The following GRM5 variants were observed in gnomAD, a reference collection of about 807,000 sequenced individuals.
The protein encoded by GRM5 is glutamate metabotropic receptor 5.
GRM5 carries 19 observed loss-of-function variants against 83.1 expected under a neutral mutation model. The observed-to-expected ratio is 0.23, with a 90% CI of 0.16 to 0.34. The LOEUF is 0.34. Ranked by LOEUF, GRM5 falls within the 10% of genes least tolerant of loss-of-function variation. The probability of loss-of-function intolerance (pLI) is 1.00; values close to 1 mark genes in which losing one functional copy is unlikely to be tolerated. For synonymous variants in GRM5, 675 were observed against 633.6 expected (o/e 1.07, Z -0.98); for missense variants, 1,160 against 1,588.3 (o/e 0.73, Z 4.58).
intron 2 of GRM5, among the ~76,000 whole-genome samples, chr11:88,862,883 A>G (rs2135552666): frequency 6.6e-6 from 1 of 152,348 alleles, no homozygotes; most frequent in Admixed American, 6.5e-5. Flanking sequence ...ATGGTCTAAT[A>G]TCCAGAGTCT....
chr11:88,894,415 G>A (rs1945197602), intron 2 of GRM5, among the ~76,000 whole-genome samples: 1 of 151,900 alleles, frequency 6.6e-6, no homozygotes, highest in Non-Finnish European at 1.5e-5. Context: ...GTTTGTCCGT[G>A]TCCTAAATTT....
intron 3 of GRM5, among the ~76,000 whole-genome samples, chr11:88,708,171 A>G (rs1030871421): frequency 1.3e-5 from 2 of 152,114 alleles, no homozygotes; most frequent in African/African-American, 4.8e-5. Flanking sequence ...ACAAGAAAAG[A>G]GTGATTAAGC....
chr11:89,055,061 G>C (rs1249766039), intron 1 of GRM5, among the ~76,000 whole-genome samples: 1 of 152,156 alleles, frequency 6.6e-6, no homozygotes, highest in African/African-American at 2.4e-5. Context: ...CTCCTTGGGA[G>C]CCTATTAGTC....
intron 2 of GRM5, among the ~76,000 whole-genome samples, chr11:88,988,568 C>T (rs1194948530): frequency 6.6e-6 from 1 of 151,290 alleles, no homozygotes; most frequent in Non-Finnish European, 1.5e-5. Context: ...TCAGATTCAC[C>T]AAAGTTGAAA....
intron 8 of GRM5, 58 bp from the exon 9 acceptor site, chr11:88,525,462 G>A (rs895198260): frequency 1.9e-6 from 2 of 1,059,636 alleles, no homozygotes; most frequent in East Asian, 4.8e-5. Flanking sequence ...GTGCTTAACT[G>A]CCAGGCTGAG....
chr11:88,729,562 A>T (rs1006022893), intron 3 of GRM5, among the ~76,000 whole-genome samples: 1 of 152,212 alleles, frequency 6.6e-6, no homozygotes, highest in Non-Finnish European at 1.5e-5. Context: ...AAGAGCCCAT[A>T]TAGCCAAGAC....
chr11:88,777,080 C>T (rs551764671), intron 3 of GRM5, among the ~76,000 whole-genome samples: 1 of 152,322 alleles, frequency 6.6e-6, no homozygotes, highest in African/African-American at 2.4e-5. Flanking sequence ...GTACACCAAT[C>T]AAACGTAGAT....
intron 3 of GRM5, among the ~76,000 whole-genome samples, chr11:88,834,553 C>T (rs921449033): frequency 6.6e-6 from 1 of 152,108 alleles, no homozygotes; most frequent in African/African-American, 2.4e-5. Flanking sequence ...CATCTATTTT[C>T]CCTGCCTTTG....
At chr11:88,904,244 A>G (rs1405839166) in intron 2 of GRM5, among the ~76,000 whole-genome samples, 4 of 152,230 alleles carry the variant, frequency 2.6e-5, no homozygotes, top group African/African-American at 4.8e-5. Flanking sequence ...GTATGTGTAC[A>G]TATATGGGTC....
chr11:88,904,409 A>G (rs894975912), intron 2 of GRM5, among the ~76,000 whole-genome samples: 2 of 152,214 alleles, frequency 1.3e-5, no homozygotes, highest in African/African-American at 4.8e-5. Context: ...CTCAATCTCA[A>G]CTTCCAATGG....
chr11:88,753,640 C>A (rs1467482586), intron 3 of GRM5, among the ~76,000 whole-genome samples: 1 of 152,106 alleles, frequency 6.6e-6, no homozygotes, highest in South Asian at 2.1e-4. Context: ...CATTGAAGCA[C>A]TATTCACAGT....
intron 3 of GRM5, among the ~76,000 whole-genome samples, chr11:88,758,004 A>C (rs890302293): frequency 3.3e-5 from 5 of 152,096 alleles, no homozygotes; most frequent in Admixed American, 2.6e-4. Flanking sequence ...CCCCACTAAA[A>C]TCTCCCAGAA....
intron 3 of GRM5, among the ~76,000 whole-genome samples, chr11:88,704,436 A>G (rs1297769527): frequency 6.6e-6 from 1 of 152,052 alleles, no homozygotes; most frequent in Non-Finnish European, 1.5e-5. Flanking sequence ...TACATAGAAC[A>G]CCAAACCTAG....
At chr11:88,730,761 C>T (rs909483135) in intron 3 of GRM5, among the ~76,000 whole-genome samples, 9 of 152,076 alleles carry the variant, frequency 5.9e-5, no homozygotes, top group African/African-American at 2.2e-4. Context: ...AGCAAACGAA[C>T]ACACGAACAG....
Position 88,742,670 on chromosome 11 carries a change from A to G in GRM5, c.912-89267T>C, listed in dbSNP as rs1324126436. On this transcript the variant is annotated intron_variant, in intron 3 of 9. Coordinates refer to ENST00000305447, the MANE Select transcript of GRM5 (RefSeq NM_001143831.3). ...CACAGAGAAAGTCCTTCAAAGTACG[A>G]CCTCTCTGGAACACCTATCTTAGTT... is the stretch of plus-strand genomic sequence containing the variant. 2.6e-5 allele frequency among the ~76,000 whole-genome samples: 4 copies of G among 152,006 alleles called. No individual in the cohort carries two copies. The South Asian group carries it at 6.2e-4, about 24-fold the overall frequency.
At chr11:88,632,247 CTTTTTTTTTTT>C (rs35797493) in intron 4 of GRM5, among the ~76,000 whole-genome samples, 1 of 110,974 alleles carries the variant, frequency 9.0e-6, no homozygotes, top group Non-Finnish European at 1.7e-5. Context: ...ACAGTATGTA[CTTTTTTTTTTT>C]TTTTTTTTGG....
At position 88,508,569 on chromosome 11, in the gene GRM5, G is replaced by A; in HGVS notation, c.*23C>T. ...GGGGGGCTCCGCTCCGCACGCGCAG[G>A]CCGGCGTGCTTTCCAGGGACATTCA... On this transcript the variant is annotated 3_prime_UTR_variant, in exon 10 of 10. Coordinates refer to ENST00000305447, the MANE Select transcript of GRM5 (RefSeq NM_001143831.3). The surrounding 1 kb of genome is among the most constrained non-coding windows in gnomAD (Gnocchi z 4.2). The A allele has an allele frequency of 1.3e-6, 2 of 1,588,620 alleles. No individual in the cohort carries two copies.
In GRM5 at chr11:88,942,325, C is replaced by T. The variant is rs1287814433; in HGVS notation, c.662-92170G>A. On this transcript the variant is annotated intron_variant, in intron 2 of 9. Coordinates refer to ENST00000305447, the MANE Select transcript of GRM5 (RefSeq NM_001143831.3). The stretch of plus-strand genomic sequence containing the variant: ...TGGTAAGATGTTAACAAATGGTGAG[C>T]TTGGTGAGGGATATATGAGTATATA... Among the ~76,000 whole-genome samples, 4 of 152,068 alleles carry T rather than the reference C, an allele frequency of 2.6e-5. No individual in the cohort carries two copies. The East Asian group carries it at 5.8e-4, about 22-fold the overall frequency.
intron 2 of GRM5, among the ~76,000 whole-genome samples, chr11:88,864,366 G>A (rs187779879): frequency 1.3e-4 from 19 of 151,958 alleles, no homozygotes; most frequent in Admixed American, 4.6e-4. Flanking sequence ...ATACAATAGA[G>A]TATTACAATG....
Sources: gnomAD v4.1 joint callset for allele counts (sites outside exome capture counted in the v4.1 genomes callset) on GRCh38, gnomAD v4.1.1 for gene constraint, Gnocchi (gnomAD v3.1) non-coding constraint, MANE v1.5 for transcripts, NCBI Gene and HGNC (gene_info 2026-07-23, HGNC 2026-07-21) for gene names.